OPCML: variants seen among roughly 807,000 people sequenced by gnomAD.
OPCML encodes opioid-binding protein/cell adhesion molecule.
In OPCML, 13 loss-of-function variants were observed where a neutral mutation model predicts 37.8. The ratio of observed to expected loss-of-function variants is 0.34; its 90% confidence interval spans 0.22 to 0.55. The LOEUF is 0.55. OPCML is among the 20% of genes least tolerant of loss of function. OPCML has a pLI of 0.91. For synonymous variants in OPCML, 176 were observed against 168.8 expected (o/e 1.04, Z -0.33); for missense variants, 341 against 435.6 (o/e 0.78, Z 1.93).
intron 1 of OPCML, among the ~76,000 whole-genome samples, chr11:132,991,752 G>A (rs1396793204): frequency 6.6e-6 from 1 of 152,180 alleles, no homozygotes; most frequent in Non-Finnish European, 1.5e-5. Context: ...TTCATTTGCT[G>A]GGTGGGAAAT....
At position 133,104,169 on chromosome 11, in the gene OPCML, T is replaced by C. The variant is rs144199131; in HGVS notation, c.62-161159A>G. On this transcript the variant is annotated intron_variant, in intron 1 of 7. Transcript: ENST00000524381. ...GAGCGCATGGATGGATGCAACACAG[T>C]GCTTCCTGCCAGAAGGCATAATGCT... Among the ~76,000 whole-genome samples the C allele has an allele frequency of 8.5e-3, 1,300 of 152,322 alleles. 14 individuals are homozygous for C. Among genetic ancestry groups the C allele is most frequent in the African/African-American group, 0.02 (824 of 41,582 alleles).
At chr11:132,742,696 A>T (rs1945471137) in intron 2 of OPCML, among the ~76,000 whole-genome samples, 1 of 149,348 alleles carries the variant, frequency 6.7e-6, no homozygotes, top group African/African-American at 2.4e-5. Flanking sequence ...ACTTTTTATA[A>T]TATATATTAT....
intron 2 of OPCML, among the ~76,000 whole-genome samples, chr11:132,867,675 C>A (rs554996572): frequency 7.9e-5 from 12 of 152,300 alleles, no homozygotes; most frequent in African/African-American, 2.6e-4. Flanking sequence ...TTATTCGTTT[C>A]TGGGTTAGGA....
At chr11:133,339,116 T>C (rs778525677) in intron 1 of OPCML, among the ~76,000 whole-genome samples, 1 of 152,208 alleles carries the variant, frequency 6.6e-6, no homozygotes, top group Non-Finnish European at 1.5e-5. Flanking sequence ...AATACAACTC[T>C]ACTCGATTAT....
In OPCML at chr11:133,174,003, G is replaced by C. The variant is rs1221760625; in HGVS notation, c.62-230993C>G. 1.3e-5 allele frequency among the ~76,000 whole-genome samples: 2 copies of C among 152,246 alleles called. No homozygotes were observed. The highest frequency in any genetic ancestry group is 3.9e-4 in the East Asian group (2 of 5,194). ...GGGACGCTGACATAAATCAGGGGCA[G>C]CAACGGATGAGCATGGAGAAACGGC... On this transcript the variant is annotated intron_variant, in intron 1 of 7. Transcript: ENST00000524381. This position sits in a 1 kb window ranked among gnomAD's most constrained non-coding sequence, Gnocchi z 4.6.
chr11:132,712,687 G>A (rs1446706273), intron 2 of OPCML, among the ~76,000 whole-genome samples: 1 of 152,100 alleles, frequency 6.6e-6, no homozygotes, highest in Non-Finnish European at 1.5e-5. Flanking sequence ...ATTCATCTCT[G>A]AGCTGCCGCT....
At chr11:132,961,830 T>G (rs1317387363) in intron 1 of OPCML, among the ~76,000 whole-genome samples, 7 of 152,234 alleles carry the variant, frequency 4.6e-5, no homozygotes, top group Non-Finnish European at 1.0e-4. Context: ...TCCTGTTGCT[T>G]CTGCCATATG....
intron 1 of OPCML, among the ~76,000 whole-genome samples, chr11:133,362,766 C>A (rs1177579576): frequency 6.6e-6 from 1 of 152,106 alleles, no homozygotes; most frequent in Admixed American, 6.5e-5. Context: ...GAGATCCGTT[C>A]CAAACTCCCA....
intron 4 of OPCML, among the ~76,000 whole-genome samples, chr11:132,516,901 G>A (rs374283700): frequency 2.0e-5 from 3 of 152,204 alleles, no homozygotes; most frequent in East Asian, 1.9e-4. Context: ...TTTAGATGTC[G>A]AACCTCTTCT....
intron 2 of OPCML, among the ~76,000 whole-genome samples, chr11:132,682,586 G>A (rs994223741): frequency 6.6e-6 from 1 of 152,104 alleles, no homozygotes; most frequent in African/African-American, 2.4e-5. Flanking sequence ...TCTGCTTATG[G>A]CAAACTCAAA....
intron 1 of OPCML, chr11:133,423,546 G>T: frequency 1.1e-6 from 1 of 926,286 alleles, no homozygotes; most frequent in South Asian, 5.0e-5. Context: ...GTCCTCAAAG[G>T]AATTTAATTC....
intron 1 of OPCML, among the ~76,000 whole-genome samples, chr11:133,344,274 ACTGACAGTCTCT>A (rs576480541): frequency 9.2e-5 from 14 of 152,210 alleles, no homozygotes; most frequent in African/African-American, 3.4e-4. Flanking sequence ...AAATGAACCC[ACTGACAGTCTCT>A]CTGAGCTTAG....
intron 1 of OPCML, among the ~76,000 whole-genome samples, chr11:133,434,700 A>C (rs899437701): frequency 2.6e-5 from 4 of 151,364 alleles, no homozygotes; most frequent in African/African-American, 7.3e-5. Flanking sequence ...GTTTCTAGTA[A>C]GAAAATTGGC....
At chr11:132,623,977 T>G (rs991168187) in intron 3 of OPCML, among the ~76,000 whole-genome samples, 1 of 152,210 alleles carries the variant, frequency 6.6e-6, no homozygotes, top group Non-Finnish European at 1.5e-5. Context: ...ATTTAACATA[T>G]GTTGGTGCTC....
intron 4 of OPCML, among the ~76,000 whole-genome samples, chr11:132,520,351 A>G (rs916703258): frequency 2.0e-5 from 3 of 152,162 alleles, no homozygotes; most frequent in Non-Finnish European, 4.4e-5. Flanking sequence ...TTCATTTGTC[A>G]TTACTTAACC....
At chr11:133,181,672 T>C (rs185412169) in intron 1 of OPCML, among the ~76,000 whole-genome samples, 44 of 152,252 alleles carry the variant, frequency 2.9e-4, no homozygotes, top group African/African-American at 9.4e-4. Context: ...GAGCCCTCAG[T>C]CTGGAGGAAA....
intron 2 of OPCML, among the ~76,000 whole-genome samples, chr11:132,893,644 A>G (rs1459747957): frequency 6.6e-6 from 1 of 152,256 alleles, no homozygotes; most frequent in Non-Finnish European, 1.5e-5. Flanking sequence ...GCCTCTTATG[A>G]AGGCTAAAGG....
At chr11:132,569,906 A>G (rs903271687) in intron 3 of OPCML, among the ~76,000 whole-genome samples, 1 of 152,170 alleles carries the variant, frequency 6.6e-6, no homozygotes, top group Middle Eastern at 3.4e-3. Context: ...AAGAAATGAC[A>G]AATTTCACCA....
chr11:133,118,132 T>C (rs1293807893), intron 1 of OPCML: 22 of 765,724 alleles, frequency 2.9e-5, no homozygotes, highest in Non-Finnish European at 3.3e-5. Context: ...GTGAAACTTC[T>C]GGACTGCAGG....
Sources: allele counts gnomAD v4.1 joint callset (sites outside exome capture counted in the v4.1 genomes callset), GRCh38; gene constraint gnomAD v4.1.1; non-coding constraint Gnocchi (gnomAD v3.1); transcripts MANE v1.5; gene names NCBI Gene and HGNC (gene_info 2026-07-23, HGNC 2026-07-21).